Variants in TLK1 observed in about 807,000 individuals in gnomAD.
The protein encoded by TLK1 is serine/threonine-protein kinase tousled-like 1.
In TLK1, 24 loss-of-function variants were observed where a neutral mutation model predicts 105.3. That is an observed-to-expected ratio of 0.23 (90% confidence interval 0.17 to 0.32). The LOEUF is 0.32. Ranked by LOEUF, TLK1 falls within the 10% of genes least tolerant of loss-of-function variation. TLK1 has a pLI of 1.00. For synonymous variants in TLK1, 321 were observed against 310.4 expected (o/e 1.03, Z -0.36); for missense variants, 558 against 910.5 (o/e 0.61, Z 4.98).
At chr2:171,148,890 A>AAATAT (rs1445171800) in intron 1 of TLK1, among the ~76,000 whole-genome samples, 9 of 138,470 alleles carry the variant, frequency 6.5e-5, no homozygotes, top group Non-Finnish European at 1.1e-4. Flanking sequence ...AAAAAAAAAA[A>AAATAT]ATATATATAT....
intron 11 of TLK1, among the ~76,000 whole-genome samples, chr2:171,042,606 G>A (rs1463321276): frequency 6.6e-6 from 1 of 151,938 alleles, no homozygotes; most frequent in East Asian, 1.9e-4. Flanking sequence ...CACTGTGCTA[G>A]GCATTGGGAC....
In TLK1 at chr2:171,053,814, T is replaced by A; in HGVS notation, c.679A>T (p.Asn227Tyr). The A allele has an allele frequency of 3.7e-6, 6 of 1,610,922 alleles. No homozygotes were observed. Among genetic ancestry groups the A allele is most frequent in the Non-Finnish European group, 5.1e-6 (6 of 1,178,472 alleles). The change falls in exon 8 of 21, where the codon AAT becomes TAT. Residue 227 changes from asparagine (N) to tyrosine (Y), a missense_variant. Physicochemically the swap from Asn to Tyr is moderately radical, Grantham distance 143. Transcript: ENST00000431350. Reference sequence around the variant, plus strand: ...TTCTTTTCCAGGTCCTGGATTTTATTACTTTCTAATGCTGCTAATTTCAGC... The same window carrying A: ...TTCTTTTCCAGGTCCTGGATTTTATAACTTTCTAATGCTGCTAATTTCAGC... Reference protein sequence around the residue: ...TMLKLAALESNKIQDLEKKEG... With the variant: ...TMLKLAALESYKIQDLEKKEG...
intron 1 of TLK1, among the ~76,000 whole-genome samples, chr2:171,225,218 A>T (rs1468161612): frequency 6.6e-6 from 1 of 152,222 alleles, no homozygotes; most frequent in African/African-American, 2.4e-5. Flanking sequence ...TTGGGAGAAA[A>T]TACTTGCAAA....
chr2:171,133,926 C>G (rs369375223), intron 1 of TLK1, among the ~76,000 whole-genome samples: 2 of 152,016 alleles, frequency 1.3e-5, no homozygotes, highest in South Asian at 2.1e-4. Flanking sequence ...GCCTCACTCT[C>G]CGGCTCAAGC....
chr2:171,134,561 T>C (rs1192961809), intron 1 of TLK1, among the ~76,000 whole-genome samples: 3 of 151,826 alleles, frequency 2.0e-5, no homozygotes, highest in Admixed American at 6.6e-5. Flanking sequence ...TTTCTATATA[T>C]CCAAAGAAAC....
intron 1 of TLK1, among the ~76,000 whole-genome samples, chr2:171,190,686 T>C (rs1575652545): frequency 6.6e-6 from 1 of 152,360 alleles, no homozygotes; most frequent in East Asian, 1.9e-4. Context: ...ATGTGAAATC[T>C]TTATAAAGAG....
chr2:170,992,471 G>A lies in TLK1; in HGVS notation c.*1309C>T, dbSNP rs1273537505. 4 of 152,522 alleles carry A rather than the reference G, an allele frequency of 2.6e-5. No homozygotes were observed. The highest frequency in any genetic ancestry group is 2.0e-4 in the Admixed American group (3 of 15,276). The allele number at this position is 152,522 out of a possible 1,614,324, so 9.4% of individuals were successfully genotyped here. On this transcript the variant is annotated 3_prime_UTR_variant, in exon 21 of 21. Coordinates refer to ENST00000431350, the MANE Select transcript of TLK1 (RefSeq NM_012290.5). ...CTACCCTACGAGGCAGTTAGAAAACGTTCACATTTTAACAAATCTGTACAA... is the reference window on the plus strand; with the variant it reads ...CTACCCTACGAGGCAGTTAGAAAACATTCACATTTTAACAAATCTGTACAA...
intron 12 of TLK1, among the ~76,000 whole-genome samples, chr2:171,015,918 A>C (rs1685186558): frequency 6.6e-6 from 1 of 151,954 alleles, no homozygotes; most frequent in African/African-American, 2.4e-5. Context: ...GTCTCTACTA[A>C]AAATACAAAA....
intron 1 of TLK1, among the ~76,000 whole-genome samples, chr2:171,135,343 ATC>A (rs1285733805): frequency 6.7e-6 from 1 of 150,218 alleles, no homozygotes; most frequent in Non-Finnish European, 1.5e-5. Context: ...ATATATATAT[ATC>A]AAAACATGAC....
At chr2:171,085,402 GA>G (rs1010022613) in intron 2 of TLK1, among the ~76,000 whole-genome samples, 22 of 148,360 alleles carry the variant, frequency 1.5e-4, no homozygotes, top group African/African-American at 4.7e-4. Flanking sequence ...AAAAAAAAAA[GA>G]AAAAAAAATG....
chr2:171,074,286 T>C lies in TLK1; in HGVS notation c.330+8495A>G, dbSNP rs563338425. 1.1e-4 allele frequency among the ~76,000 whole-genome samples: 16 copies of C among 152,334 alleles called. 1 individual carries two copies. Among genetic ancestry groups the C allele is most frequent in the Admixed American group, 2.6e-4 (4 of 15,296 alleles). ...CATCATTACTGTACATATTTGTTCA[T>C]TGTATACAGCAACATTGTTGCATAT... On this transcript the variant is annotated intron_variant, in intron 3 of 20. Coordinates refer to ENST00000431350, the MANE Select transcript of TLK1 (RefSeq NM_012290.5).
intron 1 of TLK1, among the ~76,000 whole-genome samples, chr2:171,200,941 G>C (rs1693387065): frequency 6.6e-6 from 1 of 150,502 alleles, no homozygotes; most frequent in Non-Finnish European, 1.5e-5. Flanking sequence ...GAGTGCAGTG[G>C]CGCAATCTCA....
At chr2:171,015,702 TACACACACACAC>T (rs1007413316) in intron 12 of TLK1, among the ~76,000 whole-genome samples, 4 of 5,834 alleles carry the variant, frequency 6.9e-4, no homozygotes, top group African/African-American at 1.0e-3. Context: ...CACACACATA[TACACACACACAC>T]ACACACACAC....
intron 14 of TLK1, among the ~76,000 whole-genome samples, chr2:171,008,017 G>T (rs1392065588): frequency 1.3e-5 from 2 of 152,060 alleles, no homozygotes; most frequent in Non-Finnish European, 2.9e-5. Context: ...ACACACAAAG[G>T]TGCCCCTTTC....
intron 1 of TLK1, among the ~76,000 whole-genome samples, chr2:171,221,274 A>G (rs2105330770): frequency 6.6e-6 from 1 of 152,236 alleles, no homozygotes; most frequent in East Asian, 1.9e-4. Flanking sequence ...TCATCTGGGG[A>G]ACTACCCTGA....
intron 11 of TLK1, among the ~76,000 whole-genome samples, chr2:171,031,421 T>A (rs1037079004): frequency 6.6e-6 from 1 of 152,226 alleles, no homozygotes; most frequent in Admixed American, 6.5e-5. Context: ...TCAATACTTT[T>A]ATGTGTGTAA....
intron 12 of TLK1, among the ~76,000 whole-genome samples, chr2:171,016,124 A>G (rs1685200102): frequency 6.6e-6 from 1 of 152,026 alleles, no homozygotes; most frequent in African/African-American, 2.4e-5. Flanking sequence ...AAAAAAGGAT[A>G]AGCCTGTGCC....
intron 2 of TLK1, among the ~76,000 whole-genome samples, chr2:171,117,101 C>T (rs1558950958): frequency 1.3e-5 from 2 of 152,000 alleles, no homozygotes; most frequent in Non-Finnish European, 2.9e-5. Context: ...ACAATTTTTC[C>T]ATGAAAAAAG....
chr2:171,183,466 T>C (rs1413072974), intron 1 of TLK1, among the ~76,000 whole-genome samples: 1 of 152,226 alleles, frequency 6.6e-6, no homozygotes, highest in Non-Finnish European at 1.5e-5. Flanking sequence ...TTTTCTTTTC[T>C]AAATCATCTG....
Sources: gnomAD v4.1 joint callset for allele counts (sites outside exome capture counted in the v4.1 genomes callset) on GRCh38, gnomAD v4.1.1 for gene constraint, MANE v1.5 for transcripts, NCBI Gene and HGNC (gene_info 2026-07-23, HGNC 2026-07-21) for gene names.